Variants in DCAF10 observed in about 807,000 individuals in gnomAD.
DCAF10 encodes DDB1- and CUL4-associated factor 10.
DCAF10 carries 19 observed loss-of-function variants against 51.9 expected under a neutral mutation model. The ratio of observed to expected loss-of-function variants is 0.37; its 90% CI spans 0.26 to 0.54. DCAF10 has a LOEUF of 0.54. DCAF10 is among the 20% of genes least tolerant of loss of function. The pLI is 0.87. For synonymous variants in DCAF10, 291 were observed against 297.1 expected, an observed-to-expected ratio of 0.98 and a Z score of 0.21; for missense variants, 510 against 730.6, an observed-to-expected ratio of 0.70 and a Z score of 3.48.
At chr9:37,854,696 T>C in intron 3 of DCAF10, 84 bp from the exon 4 acceptor site, 3 of 1,345,634 alleles carry the variant, frequency 2.2e-6, no homozygotes, top group Non-Finnish European at 3.1e-6. Context: ...CTACATTTTA[T>C]TTTGAAGGGC....
chr9:37,817,084 A>G (rs1404275928), intron 1 of DCAF10, among the ~76,000 whole-genome samples: 4 of 152,224 alleles, frequency 2.6e-5, no homozygotes, highest in Non-Finnish European at 5.9e-5. Flanking sequence ...CAAAACTTGT[A>G]TGTAGTGAAG....
At chr9:37,849,710 GTGTCT>G in intron 3 of DCAF10, among the ~76,000 whole-genome samples, 1 of 152,212 alleles carries the variant, frequency 6.6e-6, no homozygotes, top group South Asian at 2.1e-4. Context: ...GTGAAACCCC[GTGTCT>G]ACTAAAAATA....
intron 2 of DCAF10, among the ~76,000 whole-genome samples, chr9:37,824,614 T>C (rs1829801424): frequency 6.6e-6 from 1 of 150,422 alleles, no homozygotes; most frequent in South Asian, 2.1e-4. Context: ...AAATGAGAAG[T>C]AGAAAGAGTT....
At chr9:37,818,865 C>T (rs1281369473) in intron 1 of DCAF10, among the ~76,000 whole-genome samples, 1 of 152,110 alleles carries the variant, frequency 6.6e-6, no homozygotes, top group Admixed American at 6.6e-5. Context: ...GTATTGTGTA[C>T]TATGGCTTGT....
chr9:37,823,109 G>A lies in DCAF10; in HGVS notation c.653+3708G>A, dbSNP rs548713649. Among the ~76,000 whole-genome samples, 14 of 152,220 alleles carry A rather than the reference G, an allele frequency of 9.2e-5. No individual in the cohort carries two copies. In the South Asian group the frequency reaches 2.7e-3, roughly 29 times the overall value. On this transcript the variant is annotated intron_variant, in intron 2 of 6. Coordinates refer to ENST00000377724, the MANE Select transcript of DCAF10 (RefSeq NM_024345.5). ...AAATTCACACAGAACACATAAAAAA[G>A]GTTAAAATATGAAAAAGTAGTTGAA...
At chr9:37,855,016 C>G in intron 4 of DCAF10, 34 bp downstream of exon 4, 6 of 1,553,176 alleles carry the variant, frequency 3.9e-6, no homozygotes, top group Non-Finnish European at 5.2e-6. Context: ...AAAGATTTTT[C>G]TCGAGAATCT....
intron 3 of DCAF10, among the ~76,000 whole-genome samples, chr9:37,850,429 C>T (rs1830600192): frequency 6.6e-6 from 1 of 152,066 alleles, no homozygotes; most frequent in South Asian, 2.1e-4. Flanking sequence ...ATATACACAG[C>T]AAAATACTAT....
At position 37,801,037 on chromosome 9, in the gene DCAF10, C is replaced by G; in HGVS notation, c.171C>G (p.Pro57=). ...CACCCGCCCGAAGCCCTCGCCGCCCCGGCGCCCCATCGCTGTCCCCGGCCC... is the reference window on the plus strand; with the variant it reads ...CACCCGCCCGAAGCCCTCGCCGCCCGGGCGCCCCATCGCTGTCCCCGGCCC... The part of the protein sequence containing the change: ...PPPPARSPRR[P]GAPSLSPAPR... The change falls in exon 1 of 7, where the codon CCC becomes CCG. Residue 57 remains proline (P), a synonymous_variant. Transcript: ENST00000377724. This position sits in a 1 kb window ranked among gnomAD's most constrained non-coding sequence, Gnocchi z 5.5. 6.5e-7 allele frequency: 1 copy of G among 1,539,028 alleles called. No homozygotes were observed. Among genetic ancestry groups the G allele is most frequent in the Non-Finnish European group, 8.7e-7 (1 of 1,152,300 alleles).
rs1192890201 is a variant in DCAF10 at position 37,854,891 on chromosome 9, T to G, written c.963T>G (p.Tyr321Ter). 1 of 1,613,924 alleles carries G rather than the reference T, an allele frequency of 6.2e-7. No individual in the cohort carries two copies. Among genetic ancestry groups the G allele is most frequent in the Non-Finnish European group, 8.5e-7 (1 of 1,179,986 alleles). The change falls in exon 4 of 7, where the codon TAT becomes TAG. Residue 321 changes from tyrosine (Y) to a stop codon, truncating the protein, a stop_gained. Coordinates refer to ENST00000377724, the MANE Select transcript of DCAF10 (RefSeq NM_024345.5). LOFTEE classifies it high-confidence loss of function. Reference protein sequence around the residue: ...SKMLISTSSGYLLILHDLDLT... With the variant: ...SKMLISTSSG ...TGTTGATTTCAACGTCCTCTGGATATCTCTTAATTTTGCATGACCTTGACT... is the reference window on the plus strand; with the variant it reads ...TGTTGATTTCAACGTCCTCTGGATAGCTCTTAATTTTGCATGACCTTGACT...
At chr9:37,859,725 T>G (rs368660711) in intron 5 of DCAF10, among the ~76,000 whole-genome samples, 2 of 152,218 alleles carry the variant, frequency 1.3e-5, no homozygotes, top group South Asian at 2.1e-4. Flanking sequence ...TGGTTCTTAC[T>G]TAAATAAAGA....
Position 37,861,533 on chromosome 9 carries a change from C to A in DCAF10, c.*25C>A, listed in dbSNP as rs753662880. The A allele has an allele frequency of 2.0e-5, 31 of 1,587,816 alleles. No individual in the cohort carries two copies. Among genetic ancestry groups the A allele is most frequent in the Non-Finnish European group, 2.6e-5 (30 of 1,163,272 alleles). On this transcript the variant is annotated 3_prime_UTR_variant, in exon 7 of 7. Coordinates refer to ENST00000377724, the MANE Select transcript of DCAF10 (RefSeq NM_024345.5). This position sits in a 1 kb window ranked among gnomAD's most constrained non-coding sequence, Gnocchi z 4.9. ...GGCACAACTTACATCAAATAAGGAA[C>A]TCTTCTGGTGTTTGACTTAGGAATT...
At chr9:37,835,408 G>A (rs1830128689) in intron 2 of DCAF10, among the ~76,000 whole-genome samples, 1 of 152,062 alleles carries the variant, frequency 6.6e-6, no homozygotes, top group Non-Finnish European at 1.5e-5. Flanking sequence ...GTGAAACCCT[G>A]TCTCTACTGA....
Position 37,861,102 on chromosome 9 carries a change from C to A in DCAF10, c.1312-38C>A. The A allele has an allele frequency of 6.4e-7, 1 of 1,570,172 alleles. No individual in the cohort carries two copies. The highest frequency in any genetic ancestry group is 8.7e-7 in the Non-Finnish European group (1 of 1,153,798). ...AGGAATATCTGTAGCACTATTTGGG[C>A]TCTGTAACCTTGGTTTGTCTCCCTT... On this transcript the variant is annotated intron_variant, in intron 6 of 6. Transcript: ENST00000377724. This position sits in a 1 kb window ranked among gnomAD's most constrained non-coding sequence, Gnocchi z 4.9.
Position 37,867,535 on chromosome 9 carries a change from G to GTGTT in DCAF10, c.*6029_*6032dup, listed in dbSNP as rs1028035076. 4.0e-5 allele frequency: 6 copies of GTGTT among 151,190 alleles called. No homozygotes were observed. The highest frequency in any genetic ancestry group is 1.5e-4 in the African/African-American group (6 of 41,110). 9.4% of individuals were successfully genotyped at this position (151,190 alleles called of 1,614,324 possible). On this transcript the variant is annotated 3_prime_UTR_variant, in exon 7 of 7. Coordinates refer to ENST00000377724, the MANE Select transcript of DCAF10 (RefSeq NM_024345.5). Reference sequence around the variant, plus strand: ...GAAACTTTTCTCAGTAGGTTCTGAGGTGTTTTAAGTTCTTATGCTAGACTG... The same window carrying GTGTT: ...GAAACTTTTCTCAGTAGGTTCTGAGGTGTTTGTTTTAAGTTCTTATGCTAGACTG...
chr9:37,800,610 C>G (rs1053079304), upstream of DCAF10: 2 of 1,536,024 alleles, frequency 1.3e-6, no homozygotes, highest in African/African-American at 2.7e-5. Flanking sequence ...GACTCTGCCA[C>G]CCAGATCAGG....
chr9:37,851,787 C>CAAA (rs925548689), intron 3 of DCAF10, among the ~76,000 whole-genome samples: 8 of 129,916 alleles, frequency 6.2e-5, no homozygotes, highest in African/African-American at 1.9e-4. Context: ...GACTCTGTCT[C>CAAA]AAAATAAATA....
In DCAF10 at chr9:37,865,867, C is replaced by T. The variant is rs868698248; in HGVS notation, c.*4359C>T. ...AGGTAAATTCATGTGTTCCCCACTG[C>T]TGTGTCTAGAACCAAGATCACATTA... is the stretch of plus-strand genomic sequence containing the variant. On this transcript the variant is annotated 3_prime_UTR_variant, in exon 7 of 7. Coordinates refer to ENST00000377724, the MANE Select transcript of DCAF10 (RefSeq NM_024345.5). 6 of 152,488 alleles carry T rather than the reference C, an allele frequency of 3.9e-5. No homozygotes were observed. Among genetic ancestry groups the T allele is most frequent in the Admixed American group, 1.3e-4 (2 of 15,280 alleles). 9.4% of individuals were successfully genotyped at this position (152,488 alleles called of 1,614,324 possible). A position where few individuals can be genotyped will look rare whatever the true frequency, so the allele number is the denominator to read the frequency against.
chr9:37,812,631 T>G (rs1334545785), intron 1 of DCAF10, among the ~76,000 whole-genome samples: 1 of 152,144 alleles, frequency 6.6e-6, no homozygotes, highest in Non-Finnish European at 1.5e-5. Flanking sequence ...AAAATGAATG[T>G]GAACTTTTTT....
At chr9:37,854,629 A>C (rs1275658172) in intron 3 of DCAF10, 151 bp from the exon 4 acceptor site, 1 of 652,820 alleles carries the variant, frequency 1.5e-6, no homozygotes, top group Non-Finnish European at 2.6e-6. Context: ...AATACCCTAG[A>C]ACTTATTCCT....
Sources: allele counts gnomAD v4.1 joint callset (sites outside exome capture counted in the v4.1 genomes callset), GRCh38; gene constraint gnomAD v4.1.1; non-coding constraint Gnocchi (gnomAD v3.1); transcripts MANE v1.5; gene names NCBI Gene and HGNC (gene_info 2026-07-23, HGNC 2026-07-21).